The following EPM2A variants were observed in gnomAD, a reference collection of about 807,000 sequenced individuals.
EPM2A encodes EPM2A glucan phosphatase, laforin, also known as laforin.
In EPM2A, 21 loss-of-function variants were observed where a neutral mutation model predicts 26.5. The observed-to-expected ratio is 0.79, with a 90% CI of 0.56 to 1.14. EPM2A has a LOEUF of 1.14. EPM2A is among the 50% of genes most tolerant of loss of function. EPM2A has a pLI of 0.00. For missense variants in EPM2A, 458 were observed against 440.8 expected (o/e 1.04, Z -0.35); for synonymous variants, 217 against 177.6 (o/e 1.22, Z -1.76).
chr6:145,631,511 T>C (rs1776248375), intron 3 of EPM2A: 2 of 152,128 alleles, frequency 1.3e-5, no homozygotes, highest in Non-Finnish European at 2.9e-5. Context: ...TAGTTCTCAG[T>C]AGATGCTCCA....
downstream of EPM2A, among the ~76,000 whole-genome samples, chr6:145,623,329 G>A (rs531702042): frequency 6.6e-6 from 1 of 152,322 alleles, no homozygotes; most frequent in South Asian, 2.1e-4. Flanking sequence ...GGCTGAGATT[G>A]GATCAGGCCA....
At chr6:145,465,694 AC>A in intron 4 of EPM2A, among the ~76,000 whole-genome samples, 1 of 151,882 alleles carries the variant, frequency 6.6e-6, no homozygotes. Flanking sequence ...AACAGACAGG[AC>A]CCTCAGCTGC....
chr6:145,536,321 A>G (rs1209648442), intron 2 of EPM2A, among the ~76,000 whole-genome samples: 1 of 150,384 alleles, frequency 6.6e-6, no homozygotes, highest in Non-Finnish European at 1.5e-5. Flanking sequence ...TTTGAGATGG[A>G]GTCTCACTCT....
intron 3 of EPM2A, 117 bp downstream of exon 3, chr6:145,635,128 C>T (rs969049701): frequency 8.4e-7 from 1 of 1,189,480 alleles, no homozygotes; most frequent in African/African-American, 1.5e-5. Context: ...AATCTAAAAT[C>T]TTATATTTAT....
intron 1 of EPM2A, among the ~76,000 whole-genome samples, chr6:145,694,098 CCTT>C (rs578259036): frequency 8.6e-5 from 13 of 151,536 alleles, no homozygotes; most frequent in Non-Finnish European, 1.8e-4. Context: ...GGTGTAGTCT[CCTT>C]AAGCAAAATA....
chr6:145,556,084 C>T (rs563431007), intron 2 of EPM2A, among the ~76,000 whole-genome samples: 3 of 152,276 alleles, frequency 2.0e-5, no homozygotes, highest in African/African-American at 4.8e-5. Flanking sequence ...ATTACAGCCA[C>T]TCTATTAAAT....
At chr6:145,450,245 C>G (rs1477759860) in intron 4 of EPM2A, among the ~76,000 whole-genome samples, 2 of 149,482 alleles carry the variant, frequency 1.3e-5, no homozygotes, top group African/African-American at 5.0e-5. Flanking sequence ...TTCAGCTACT[C>G]GGGAGGCTGA....
chr6:145,477,646 G>A (rs554141903), intron 4 of EPM2A, among the ~76,000 whole-genome samples: 1 of 151,872 alleles, frequency 6.6e-6, no homozygotes, highest in South Asian at 2.1e-4. Context: ...CAATCAATGT[G>A]ATATATAATA....
chr6:145,632,362 T>A (rs1483692814), intron 3 of EPM2A: 1 of 152,180 alleles, frequency 6.6e-6, no homozygotes, highest in African/African-American at 2.4e-5. Flanking sequence ...GGTAGACATT[T>A]GTTATAAATA....
intron 2 of EPM2A, among the ~76,000 whole-genome samples, chr6:145,507,533 GA>G (rs575146001): frequency 6.6e-6 from 1 of 152,308 alleles, no homozygotes; most frequent in South Asian, 2.1e-4. Flanking sequence ...CTGAGAGATA[GA>G]GAGATGGAGA....
rs560271868 is a variant in EPM2A at position 145,483,363 on chromosome 6, C to T, written c.555+19159G>A. On this transcript the variant is annotated intron_variant, in intron 4 of 4. Coordinates refer to the EPM2A transcript ENST00000638717. ...CATCATAAATGGAAGAGTTTCTATA[C>T]CTCTCTGAAACAAAGACAGCTAGCT... 3.9e-5 allele frequency among the ~76,000 whole-genome samples: 6 copies of T among 152,128 alleles called. No individual in the cohort carries two copies. The South Asian group carries it at 6.2e-4, about 16-fold the overall frequency.
At chr6:145,710,231 T>C in intron 1 of EPM2A, among the ~76,000 whole-genome samples, 1 of 152,094 alleles carries the variant, frequency 6.6e-6, no homozygotes, top group Admixed American at 6.5e-5. Flanking sequence ...GACAAAGGGC[T>C]AATATCCAGA....
intron 4 of EPM2A, among the ~76,000 whole-genome samples, chr6:145,480,132 T>C (rs910246543): frequency 5.3e-5 from 8 of 151,930 alleles, no homozygotes; most frequent in Non-Finnish European, 8.8e-5. Flanking sequence ...TTCAGTAGTG[T>C]ATTTGTTCAC....
chr6:145,635,552 T>C, intron 2 of EPM2A, 66 bp from the exon 3 acceptor site: 1 of 1,489,774 alleles, frequency 6.7e-7, no homozygotes, highest in Non-Finnish European at 9.4e-7. Context: ...AGGAGCTGCA[T>C]AAAACATGTA....
intron 2 of EPM2A, among the ~76,000 whole-genome samples, chr6:145,532,467 T>C (rs396681): frequency 0.45 from 68,127 of 151,984 alleles, 15,336 homozygotes; most frequent in South Asian, 0.58. Flanking sequence ...TAACCTTTGA[T>C]CATTCACGGG....
chr6:145,544,627 T>A (rs1397350741), intron 2 of EPM2A, among the ~76,000 whole-genome samples: 1 of 151,940 alleles, frequency 6.6e-6, no homozygotes, highest in Non-Finnish European at 1.5e-5. Flanking sequence ...CTAATAAAAG[T>A]GATAGGTTTA....
intron 2 of EPM2A, among the ~76,000 whole-genome samples, chr6:145,554,628 T>C (rs754239458): frequency 4.6e-5 from 7 of 152,042 alleles, no homozygotes; most frequent in Non-Finnish European, 1.0e-4. Flanking sequence ...AGCAGCCAGT[T>C]CTGGCAAGGG....
In EPM2A at chr6:145,459,095, C is replaced by T. The variant is rs541677174; in HGVS notation, c.555+43427G>A. Among the ~76,000 whole-genome samples the T allele has an allele frequency of 4.6e-5, 7 of 152,188 alleles. No individual in the cohort carries two copies. The South Asian group carries it at 1.5e-3, about 32-fold the overall frequency. ...CCACTTATTAAAATGGTAAAGAAGG[C>T]TTTATTCAAGACTATTGCAATAGAG... is the stretch of plus-strand genomic sequence containing the variant. On this transcript the variant is annotated intron_variant, in intron 4 of 4. Coordinates refer to the EPM2A transcript ENST00000638717.
chr6:145,614,108 T>C (rs1020165342), intron 2 of EPM2A, among the ~76,000 whole-genome samples: 1 of 152,270 alleles, frequency 6.6e-6, no homozygotes, highest in African/African-American at 2.4e-5. Context: ...TCCGGATAAC[T>C]TGCCGCAGCT....
Sources: gnomAD v4.1 joint callset for allele counts (sites outside exome capture counted in the v4.1 genomes callset) on GRCh38, gnomAD v4.1.1 for gene constraint, MANE v1.5 for transcripts, NCBI Gene and HGNC (gene_info 2026-07-23, HGNC 2026-07-21) for gene names.